Variants in CNTN5 observed in about 807,000 individuals in gnomAD.
CNTN5 encodes the protein contactin-5.
A neutral mutation model predicts 129.1 loss-of-function variants in CNTN5; 77 were observed. The ratio of observed to expected loss-of-function variants is 0.60; its 90% confidence interval spans 0.50 to 0.72. The LOEUF (loss-of-function observed/expected upper bound fraction) is 0.72, where lower values mean the gene tolerates loss of function less well. CNTN5 is among the 30% of genes least tolerant of loss of function. The pLI is 0.00. For synonymous variants in CNTN5, 509 were observed against 465.6 expected (o/e 1.09, Z -1.20); for missense variants, 1,478 against 1,328.8 (o/e 1.11, Z -1.75).
At chr11:99,736,744 G>A (rs79145940) in intron 3 of CNTN5, among the ~76,000 whole-genome samples, 3 of 152,094 alleles carry the variant, frequency 2.0e-5, no homozygotes, top group Non-Finnish European at 4.4e-5. Context: ...ACTGCAGTAG[G>A]CCTATCTATA....
intron 15 of CNTN5, among the ~76,000 whole-genome samples, chr11:100,217,764 C>T (rs1044808165): frequency 6.6e-6 from 1 of 152,138 alleles, no homozygotes; most frequent in African/African-American, 2.4e-5. Flanking sequence ...AACCTATGGA[C>T]CAGCTGTTAT....
At chr11:99,910,472 C>G (rs979371234) in intron 6 of CNTN5, among the ~76,000 whole-genome samples, 1 of 151,974 alleles carries the variant, frequency 6.6e-6, no homozygotes, top group Non-Finnish European at 1.5e-5. Context: ...TTCTATTCTT[C>G]CTCAGAAACT....
At chr11:99,152,753 A>T (rs2135491934) in intron 1 of CNTN5, among the ~76,000 whole-genome samples, 1 of 152,312 alleles carries the variant, frequency 6.6e-6, no homozygotes, top group South Asian at 2.1e-4. Flanking sequence ...TGGTCCATGT[A>T]CTTAAATGTG....
intron 3 of CNTN5, among the ~76,000 whole-genome samples, chr11:99,714,300 A>G (rs1388527910): frequency 6.6e-6 from 1 of 151,932 alleles, no homozygotes; most frequent in Non-Finnish European, 1.5e-5. Context: ...ACCTGTGCAT[A>G]TACATCCCAG....
chr11:99,187,579 G>A (rs1036573526), intron 1 of CNTN5, among the ~76,000 whole-genome samples: 4 of 151,672 alleles, frequency 2.6e-5, no homozygotes, highest in South Asian at 4.1e-4. Context: ...TTCTTATGAT[G>A]AATATCTTGA....
chr11:100,153,342 G>A (rs1947129492), intron 13 of CNTN5, among the ~76,000 whole-genome samples: 1 of 152,006 alleles, frequency 6.6e-6, no homozygotes, highest in South Asian at 2.1e-4. Context: ...TGGAGTACAA[G>A]TACTTTTAAA....
chr11:100,245,352 T>A (rs1447992963), intron 16 of CNTN5, among the ~76,000 whole-genome samples: 1 of 152,152 alleles, frequency 6.6e-6, no homozygotes, highest in Non-Finnish European at 1.5e-5. Context: ...TTATACCATT[T>A]TAGAGAATGT....
chr11:100,148,971 C>T (rs796669722), intron 13 of CNTN5, among the ~76,000 whole-genome samples: 17 of 152,048 alleles, frequency 1.1e-4, no homozygotes, highest in African/African-American at 2.9e-4. Context: ...ACATATTAGT[C>T]GAACAAAATA....
intron 2 of CNTN5, among the ~76,000 whole-genome samples, chr11:99,518,831 C>G (rs1947160446): frequency 6.6e-6 from 1 of 151,964 alleles, no homozygotes; most frequent in South Asian, 2.1e-4. Flanking sequence ...TTGTCTACCT[C>G]CAGTGCAACA....
intron 1 of CNTN5, among the ~76,000 whole-genome samples, chr11:99,271,711 A>G (rs1863179636): frequency 6.6e-6 from 1 of 151,796 alleles, no homozygotes; most frequent in South Asian, 2.1e-4. Context: ...AGAACTCACA[A>G]AACTGTCAGC....
intron 3 of CNTN5, among the ~76,000 whole-genome samples, chr11:99,713,790 C>T (rs1012594500): frequency 3.3e-5 from 5 of 151,784 alleles, no homozygotes; most frequent in Non-Finnish European, 5.9e-5. Flanking sequence ...TTGATTTTTT[C>T]CCTTCATTTA....
chr11:100,058,931 G>A (rs1233672034), intron 9 of CNTN5, among the ~76,000 whole-genome samples: 1 of 152,124 alleles, frequency 6.6e-6, no homozygotes, highest in Non-Finnish European at 1.5e-5. Flanking sequence ...AGGATGAGTA[G>A]CATTTTAGCA....
At chr11:99,865,390 T>C (rs1349075395) in intron 6 of CNTN5, among the ~76,000 whole-genome samples, 1 of 152,014 alleles carries the variant, frequency 6.6e-6, no homozygotes, top group Non-Finnish European at 1.5e-5. Flanking sequence ...CAAATATATG[T>C]GTAATATTAT....
intron 3 of CNTN5, among the ~76,000 whole-genome samples, chr11:99,674,647 A>C (rs1228816592): frequency 6.6e-6 from 1 of 152,140 alleles, no homozygotes; most frequent in African/African-American, 2.4e-5. Context: ...AAAAAGCACA[A>C]AGTAGAGGAA....
intron 6 of CNTN5, among the ~76,000 whole-genome samples, chr11:99,912,486 A>G (rs1034418542): frequency 6.6e-6 from 1 of 152,010 alleles, no homozygotes; most frequent in Admixed American, 6.6e-5. Flanking sequence ...TACCTAACAC[A>G]GTTTTTAATA....
Position 99,899,321 on chromosome 11 carries a change from G to A in CNTN5, c.578-16733G>A, listed in dbSNP as rs552761383. On this transcript the variant is annotated intron_variant, in intron 6 of 24. Coordinates refer to ENST00000524871, the MANE Select transcript of CNTN5 (RefSeq NM_014361.4). ...CTTTTCCCAGTTCTTAGTGAAAATGGTTTCAACTTTTCCCTGTTCAATCTG... is the reference window on the plus strand; with the variant it reads ...CTTTTCCCAGTTCTTAGTGAAAATGATTTCAACTTTTCCCTGTTCAATCTG... Among the ~76,000 whole-genome samples the A allele has an allele frequency of 2.0e-5, 3 of 152,002 alleles. No individual in the cohort carries two copies. In the South Asian group the frequency reaches 6.2e-4, roughly 31 times the overall value.
chr11:100,045,712 T>TTTA (rs1289861227), intron 9 of CNTN5, among the ~76,000 whole-genome samples: 1 of 138,602 alleles, frequency 7.2e-6, no homozygotes, highest in African/African-American at 2.6e-5. Flanking sequence ...TAGATGTACA[T>TTTA]TTATTATTAA....
At chr11:99,309,113 A>G (rs1864992939) in intron 1 of CNTN5, among the ~76,000 whole-genome samples, 1 of 152,032 alleles carries the variant, frequency 6.6e-6, no homozygotes, top group Non-Finnish European at 1.5e-5. Flanking sequence ...CTACAACATC[A>G]GGAGTTTTTA....
At chr11:100,189,185 T>C (rs1948394343) in intron 13 of CNTN5, among the ~76,000 whole-genome samples, 1 of 151,080 alleles carries the variant, frequency 6.6e-6, no homozygotes, top group Non-Finnish European at 1.5e-5. Flanking sequence ...TCATGCAATA[T>C]ACCCACCCAG....
Sources: allele counts gnomAD v4.1 joint callset (sites outside exome capture counted in the v4.1 genomes callset), GRCh38; gene constraint gnomAD v4.1.1; transcripts MANE v1.5; gene names NCBI Gene and HGNC (gene_info 2026-07-23, HGNC 2026-07-21).